SKA3: variants seen among roughly 807,000 people sequenced by gnomAD.
SKA3 encodes spindle and kinetochore associated complex subunit 3, also known as spindle and kinetochore-associated protein 3.
Under a neutral mutation model 44.2 loss-of-function variants are expected in SKA3, and 39 were observed. The ratio of observed to expected loss-of-function variants is 0.88; its 90% confidence interval spans 0.68 to 1.15. SKA3 has a LOEUF of 1.15. Ranked by LOEUF, SKA3 falls within the 50% of genes most tolerant of loss-of-function variation. The pLI is 0.00. For missense variants in SKA3, 511 were observed against 485.8 expected (o/e 1.05, Z -0.49); for synonymous variants, 192 against 172.0 (o/e 1.12, Z -0.91).
rs745411172 is a variant in SKA3, at chr13:21,154,776, C to A, written c.*374G>T. The A allele has an allele frequency of 1.2e-5, 4 of 322,272 alleles. No individual in the cohort carries two copies. The highest frequency in any genetic ancestry group is 2.4e-5 in the Non-Finnish European group (4 of 169,186). 20.0% of individuals were successfully genotyped at this position (322,272 alleles called of 1,614,324 possible). On this transcript the variant is annotated 3_prime_UTR_variant, in exon 9 of 9. Coordinates refer to ENST00000314759, the MANE Select transcript of SKA3 (RefSeq NM_145061.6). Reference sequence around the variant, plus strand: ...ATGGGAAGGCAGAGCTGGCTGGCAGCAATGTCTCTCTGGCCAGAAGGTCAG... The same window carrying A: ...ATGGGAAGGCAGAGCTGGCTGGCAGAAATGTCTCTCTGGCCAGAAGGTCAG...
chr13:21,165,799 G>T (rs2137370602), intron 4 of SKA3, among the ~76,000 whole-genome samples: 1 of 152,116 alleles, frequency 6.6e-6, no homozygotes, highest in South Asian at 2.1e-4. Flanking sequence ...GCCAGGCGTG[G>T]TGGCTCATGC....
chr13:21,172,691 G>A lies in SKA3; in HGVS notation c.104-10C>T. 6.7e-7 allele frequency: 1 copy of A among 1,486,696 alleles called. No individual in the cohort carries two copies. Among genetic ancestry groups the A allele is most frequent in the South Asian group, 1.2e-5 (1 of 82,112 alleles). 92.1% of individuals were successfully genotyped at this position (1,486,696 alleles called of 1,614,324 possible). Reference sequence around the variant, plus strand: ...GGATAATCTTCAAAGTCTTCAATATGAATATTGAAAGAAAAGAAGTCCAAT... The same window carrying A: ...GGATAATCTTCAAAGTCTTCAATATAAATATTGAAAGAAAAGAAGTCCAAT... On this transcript the variant is annotated splice_polypyrimidine_tract_variant and intron_variant, in intron 1 of 8. Transcript: ENST00000314759.
Position 21,154,190 on chromosome 13 carries a change from G to C in SKA3, c.*960C>G, listed in dbSNP as rs916924237. ...TTTAATGGTTCTCCACAGTATGCTA[G>C]GTCCTTATTTTCTCATTGGCTGTAA... On this transcript the variant is annotated 3_prime_UTR_variant, in exon 9 of 9. Coordinates refer to ENST00000314759, the MANE Select transcript of SKA3 (RefSeq NM_145061.6). 4 of 152,254 alleles carry C rather than the reference G, an allele frequency of 2.6e-5. No individual in the cohort carries two copies. The highest frequency in any genetic ancestry group is 4.4e-5 in the Non-Finnish European group (3 of 68,042). 9.4% of individuals were successfully genotyped at this position (152,254 alleles called of 1,614,324 possible). A position where few individuals can be genotyped will look rare whatever the true frequency, so the allele number is the denominator to read the frequency against.
At position 21,153,628 on chromosome 13, in the gene SKA3, A is replaced by G. The variant is rs1413989301; in HGVS notation, c.*1522T>C. On this transcript the variant is annotated 3_prime_UTR_variant, in exon 9 of 9. Coordinates refer to ENST00000314759, the MANE Select transcript of SKA3 (RefSeq NM_145061.6). ...CAGTCCTCTTTTTATTTGAATTCTC[A>G]GCAATATTCACAGAATCATCACTCT... The G allele has an allele frequency of 6.6e-6, 1 of 152,244 alleles. No homozygotes were observed. Among genetic ancestry groups the G allele is most frequent in the Admixed American group, 6.5e-5 (1 of 15,282 alleles). The allele number at this position is 152,244 out of a possible 1,614,324, so 9.4% of individuals were successfully genotyped here.
Position 21,176,427 on chromosome 13 carries a change from C to T in SKA3, c.51G>A (p.Thr17=), listed in dbSNP as rs376861516. 1.8e-5 allele frequency: 28 copies of T among 1,585,870 alleles called. No individual in the cohort carries two copies. The highest frequency in any genetic ancestry group is 1.2e-5 in the Non-Finnish European group (14 of 1,167,498). Residue 17 remains threonine, a synonymous_variant, in exon 1 of 9, where the codon ACG becomes ACA. Transcript: ENST00000314759. The stretch of plus-strand genomic sequence containing the variant: ...GCAGCCGGGCCGTCTCGCAGTCCAG[C>T]GTGCTGGCCAGAGACCGCAGCTTCC... ...FCGKLRSLAS[T]LDCETARLQR... is the part of the protein sequence containing the mutation.
Position 21,161,742 on chromosome 13 carries a change from T to C in SKA3, c.829+48A>G, listed in dbSNP as rs765216076. ...TGATGAAATCAATTTTGTTCAAAGA[T>C]AGTTTGGGAAAAATGTTCCTGAGAA... On this transcript the variant is annotated intron_variant, in intron 5 of 8. Coordinates refer to ENST00000314759, the MANE Select transcript of SKA3 (RefSeq NM_145061.6). The C allele has an allele frequency of 7.4e-6, 9 of 1,208,900 alleles. No homozygotes were observed. The South Asian group carries it at 1.5e-4, about 20-fold the overall frequency. The allele number at this position is 1,208,900 out of a possible 1,614,324, so 74.9% of individuals were successfully genotyped here.
chr13:21,172,299 C>G (rs774973642), intron 3 of SKA3, 40 bp downstream of exon 3: 1 of 1,078,120 alleles, frequency 9.3e-7, no homozygotes, highest in Non-Finnish European at 1.2e-6. Flanking sequence ...CTTGTTTCTT[C>G]AATACTAAAA....
chr13:21,159,768 G>C (rs1328045434), intron 6 of SKA3, 134 bp downstream of exon 6: 48 of 567,140 alleles, frequency 8.5e-5, no homozygotes, highest in Non-Finnish European at 9.4e-5. Context: ...CTACCCTCCA[G>C]AAATGCACTG....
At chr13:21,172,830 TTTTACCGTACC>T (rs1345122525) in intron 1 of SKA3, 149 bp from the exon 2 acceptor site, 805 of 452,146 alleles carry the variant, frequency 1.8e-3, no homozygotes, top group Middle Eastern at 6.4e-3. Flanking sequence ...ATACCATATT[TTTTACCGTACC>T]TTTTTTATGT....
chr13:21,172,762 T>C (rs1028764712), intron 1 of SKA3, 81 bp from the exon 2 acceptor site: 4 of 773,716 alleles, frequency 5.2e-6, no homozygotes, highest in Non-Finnish European at 8.2e-6. Context: ...TACAATCATA[T>C]ACCTTATAAT....
rs889413578 is a variant in SKA3 at position 21,159,990 on chromosome 13, A to G, written c.830-3T>C. On this transcript the variant is annotated splice_region_variant and splice_polypyrimidine_tract_variant and intron_variant, in intron 5 of 8. Transcript: ENST00000314759. ...AGGAGAGTTGGTATATTCGGCATCTAAAAGACACATAAAATGGTCATTAAA... is the reference window on the plus strand; with the variant it reads ...AGGAGAGTTGGTATATTCGGCATCTGAAAGACACATAAAATGGTCATTAAA... 4 of 1,226,422 alleles carry G rather than the reference A, an allele frequency of 3.3e-6. No individual in the cohort carries two copies. The highest frequency in any genetic ancestry group is 2.9e-5 in the African/African-American group (2 of 68,806). 76.0% of individuals were successfully genotyped at this position (1,226,422 alleles called of 1,614,324 possible). A position where few individuals can be genotyped will look rare whatever the true frequency, so the allele number is the denominator to read the frequency against.
At chr13:21,157,319 T>C (rs1870164359) in intron 7 of SKA3, among the ~76,000 whole-genome samples, 1 of 152,238 alleles carries the variant, frequency 6.6e-6, no homozygotes, top group Non-Finnish European at 1.5e-5. Context: ...AACATCACAG[T>C]ACTTACACAA....
chr13:21,169,490 C>T (rs1279186047), intron 3 of SKA3, among the ~76,000 whole-genome samples: 3 of 151,878 alleles, frequency 2.0e-5, no homozygotes. Context: ...TGTGAGCCAC[C>T]ATGCCTGGTC....
intron 5 of SKA3, 38 bp downstream of exon 5, chr13:21,161,750 GAA>G (rs1352189551): frequency 8.9e-7 from 1 of 1,122,058 alleles, no homozygotes; most frequent in East Asian, 4.0e-5. Context: ...GATAGTTTGG[GAA>G]AAATGTTCCT....
At position 21,155,813 on chromosome 13, in the gene SKA3, T is replaced by TGGAG. The variant is rs1565990686; in HGVS notation, c.1120-3_1120-2insCTCC. The TGGAG allele has an allele frequency of 7.6e-5, 85 of 1,123,710 alleles. No individual in the cohort carries two copies. Among genetic ancestry groups the TGGAG allele is most frequent in the Admixed American group, 2.2e-4 (10 of 45,700 alleles). 69.6% of individuals were successfully genotyped at this position (1,123,710 alleles called of 1,614,324 possible). A position where few individuals can be genotyped will look rare whatever the true frequency, so the allele number is the denominator to read the frequency against. On this transcript the variant is annotated splice_polypyrimidine_tract_variant and splice_region_variant and intron_variant, in intron 7 of 8. Coordinates refer to ENST00000314759, the MANE Select transcript of SKA3 (RefSeq NM_145061.6). ...GTTTGAGTTGTATTTTGATAAAAGC[T>TGGAG]AAAAAAAAAAAAGGAAATTCCTTTT... is the stretch of plus-strand genomic sequence containing the variant.
intron 4 of SKA3, among the ~76,000 whole-genome samples, chr13:21,167,329 C>CTT (rs10654619): frequency 0.92 from 139,884 of 152,132 alleles, 64,588 homozygotes; most frequent in East Asian, 1. Context: ...CTTATTTCCT[C>CTT]TTCTATCCCT....
At position 21,161,875 on chromosome 13, in the gene SKA3, A is replaced by G; in HGVS notation, c.744T>C (p.Ser248=). ...MGLKNARNNK[S]EEAIDTESRL... The stretch of plus-strand genomic sequence containing the variant: ...TGGATTCTGTATCTATGGCCTCCTC[A>G]CTGGTGTGATTCATAGGGAAATTAC... Residue 248 remains serine (S), a splice_region_variant and synonymous_variant, in exon 5 of 9, where the codon AGT becomes AGC. Transcript: ENST00000314759. The G allele has an allele frequency of 6.2e-7, 1 of 1,602,644 alleles. No homozygotes were observed. The highest frequency in any genetic ancestry group is 8.5e-7 in the Non-Finnish European group (1 of 1,173,076).
rs1565993120 is a variant in SKA3, at chr13:21,161,865, T to C, written c.754A>G (p.Ile252Val). Residue 252 changes from isoleucine (I) to valine (V), a missense_variant, in exon 5 of 9, where the codon ATA (isoleucine) becomes GTA (valine). By Grantham distance (29) the Ile-to-Val change is conservative. Coordinates refer to ENST00000314759, the MANE Select transcript of SKA3 (RefSeq NM_145061.6). ...TCATTGAGCCTGGATTCTGTATCTA[T>C]GGCCTCCTCACTGGTGTGATTCATA... ...NARNNKSEEA[I>V]DTESRLNDNV... 2 of 1,610,520 alleles carry C rather than the reference T, an allele frequency of 1.2e-6. No individual in the cohort carries two copies. The highest frequency in any genetic ancestry group is 8.5e-7 in the Non-Finnish European group (1 of 1,177,684).
chr13:21,159,841 G>T, intron 6 of SKA3, 61 bp downstream of exon 6: 2 of 1,079,048 alleles, frequency 1.9e-6, no homozygotes, highest in Non-Finnish European at 2.5e-6. Context: ...GAGCCTGCAA[G>T]CAGTAGTGTA....
Sources: allele counts gnomAD v4.1 joint callset (sites outside exome capture counted in the v4.1 genomes callset), GRCh38; gene constraint gnomAD v4.1.1; transcripts MANE v1.5; gene names NCBI Gene and HGNC (gene_info 2026-07-23, HGNC 2026-07-21).